Variants in SLC35F3 observed in about 807,000 individuals in gnomAD.
The protein encoded by SLC35F3 is solute carrier family 35 member F3.
SLC35F3 carries 25 observed loss-of-function variants against 49.9 expected under a neutral mutation model. The observed-to-expected ratio is 0.50, with a 90% CI of 0.37 to 0.70. The LOEUF (loss-of-function observed/expected upper bound fraction) is 0.70. SLC35F3 is among the 30% of genes least tolerant of loss of function. The probability of loss-of-function intolerance (pLI) is 0.00; values close to 1 mark genes in which losing one functional copy is unlikely to be tolerated. For synonymous variants in SLC35F3, 275 were observed against 265.4 expected, an observed-to-expected ratio of 1.04 and a Z score of -0.35; for missense variants, 525 against 639.8, an observed-to-expected ratio of 0.82 and a Z score of 1.94.
chr1:234,216,449 A>T (rs1435115749), intron 2 of SLC35F3, among the ~76,000 whole-genome samples: 1 of 152,212 alleles, frequency 6.6e-6, no homozygotes, highest in Non-Finnish European at 1.5e-5. Flanking sequence ...AGGCACAGGT[A>T]CTTCCCTATG....
At chr1:234,030,711 A>G (rs1664049891) in intron 2 of SLC35F3, among the ~76,000 whole-genome samples, 1 of 152,218 alleles carries the variant, frequency 6.6e-6, no homozygotes, top group Non-Finnish European at 1.5e-5. Context: ...GTGTTTTTGT[A>G]TATCATCTAA....
At chr1:234,148,104 A>G (rs1026814016) in intron 2 of SLC35F3, among the ~76,000 whole-genome samples, 1 of 152,206 alleles carries the variant, frequency 6.6e-6, no homozygotes, top group African/African-American at 2.4e-5. Flanking sequence ...CACCCCGGCA[A>G]GGTTTGGCAC....
At chr1:234,079,784 A>G (rs553990495) in intron 2 of SLC35F3, among the ~76,000 whole-genome samples, 1 of 152,364 alleles carries the variant, frequency 6.6e-6, no homozygotes, top group South Asian at 2.1e-4. Flanking sequence ...GAGGATATAG[A>G]GAAATCGGAA....
At position 234,231,765 on chromosome 1, in the gene SLC35F3, G is replaced by A. The variant is rs1667381439; in HGVS notation, c.608+24G>A. On this transcript the variant is annotated intron_variant, in intron 3 of 7. Coordinates refer to ENST00000366618, the MANE Select transcript of SLC35F3 (RefSeq NM_173508.4). This position sits in a 1 kb window ranked among gnomAD's most constrained non-coding sequence, Gnocchi z 5.4. ...AGGTAGGCGCGTCCTGCATGAGGAG[G>A]CCTCCTGACCCCGGGCTGCTCCATC... is the stretch of plus-strand genomic sequence containing the variant. 7 of 1,573,892 alleles carry A rather than the reference G, an allele frequency of 4.4e-6. No individual in the cohort carries two copies. Among genetic ancestry groups the A allele is most frequent in the African/African-American group, 2.7e-5 (2 of 74,350 alleles).
At chr1:233,948,868 A>G (rs1662559903) in intron 2 of SLC35F3, among the ~76,000 whole-genome samples, 1 of 152,046 alleles carries the variant, frequency 6.6e-6, no homozygotes, top group Non-Finnish European at 1.5e-5. Context: ...TCTATGATAG[A>G]CTTGCTTGCA....
At position 234,095,216 on chromosome 1, in the gene SLC35F3, C is replaced by T. The variant is rs899756994; in HGVS notation, c.284-136201C>T. ...ACTATCTAGTGAGATTGCTGAAGAG[C>T]ACCAGGGGCCTCCATGAAGTTCATG... On this transcript the variant is annotated intron_variant, in intron 2 of 7. Coordinates refer to ENST00000366618, the MANE Select transcript of SLC35F3 (RefSeq NM_173508.4). Among the ~76,000 whole-genome samples, 2 of 152,144 alleles carry T rather than the reference C, an allele frequency of 1.3e-5. 1 individual carries two copies. The highest frequency in any genetic ancestry group is 2.9e-5 in the Non-Finnish European group (2 of 68,040).
At chr1:233,985,555 T>A (rs780399913) in intron 2 of SLC35F3, among the ~76,000 whole-genome samples, 8 of 152,150 alleles carry the variant, frequency 5.3e-5, no homozygotes, top group Non-Finnish European at 8.8e-5. Context: ...TCCACTTTGA[T>A]TCTTGGAGCC....
At chr1:233,938,476 A>C (rs1394855251) in intron 2 of SLC35F3, among the ~76,000 whole-genome samples, 1 of 152,192 alleles carries the variant, frequency 6.6e-6, no homozygotes, top group African/African-American at 2.4e-5. Flanking sequence ...ACACAGTGGA[A>C]ATTTCCCTTC....
At chr1:234,095,811 GTC>G (rs1405500292) in intron 2 of SLC35F3, among the ~76,000 whole-genome samples, 1 of 152,184 alleles carries the variant, frequency 6.6e-6, no homozygotes, top group Non-Finnish European at 1.5e-5. Context: ...GGGAATAATA[GTC>G]TCTGTCATAG....
intron 2 of SLC35F3, among the ~76,000 whole-genome samples, chr1:233,980,177 G>C (rs1251041080): frequency 6.6e-6 from 1 of 152,178 alleles, no homozygotes; most frequent in Non-Finnish European, 1.5e-5. Flanking sequence ...GGAGGACTTT[G>C]GTGTTGGGAA....
intron 2 of SLC35F3, among the ~76,000 whole-genome samples, chr1:234,138,927 C>T (rs560262630): frequency 2.6e-5 from 4 of 152,278 alleles, no homozygotes; most frequent in South Asian, 4.2e-4. Context: ...TACTCTTCTC[C>T]GTCTTCATCT....
rs183539312 is a variant in SLC35F3 at position 234,173,907 on chromosome 1, C to T, written c.284-57510C>T. Among the ~76,000 whole-genome samples the T allele has an allele frequency of 1.3e-3, 193 of 152,306 alleles. 2 individuals are homozygous for T. The highest frequency in any genetic ancestry group is 2.1e-4 in the Non-Finnish European group (14 of 68,026). ...TCAGGTCTGAAAGTGAGAAGGTGGG[C>T]TTGGGAGCGATTTTCTCCTCTGGAG... On this transcript the variant is annotated intron_variant, in intron 2 of 7. Transcript: ENST00000366618.
intron 2 of SLC35F3, among the ~76,000 whole-genome samples, chr1:234,179,446 G>C (rs975902497): frequency 6.6e-6 from 1 of 152,074 alleles, no homozygotes; most frequent in Non-Finnish European, 1.5e-5. Flanking sequence ...GTATGTATTC[G>C]TGATGTACAA....
chr1:234,267,512 C>G (rs1377577548), intron 3 of SLC35F3, among the ~76,000 whole-genome samples: 1 of 142,504 alleles, frequency 7.0e-6, no homozygotes, highest in East Asian at 2.1e-4. Context: ...GGGGGGCTGA[C>G]CCCCCCACCT....
At chr1:234,054,581 C>T (rs556864089) in intron 2 of SLC35F3, among the ~76,000 whole-genome samples, 12 of 152,204 alleles carry the variant, frequency 7.9e-5, no homozygotes, top group African/African-American at 2.6e-4. Context: ...GTGATGGGTT[C>T]GAACATTCTC....
At chr1:234,258,079 A>T (rs1667848850) in intron 3 of SLC35F3, among the ~76,000 whole-genome samples, 1 of 152,176 alleles carries the variant, frequency 6.6e-6, no homozygotes, top group Non-Finnish European at 1.5e-5. Flanking sequence ...TTTAATAATC[A>T]TATGGTTCAC....
intron 2 of SLC35F3, among the ~76,000 whole-genome samples, chr1:233,927,331 A>T (rs1329622192): frequency 1.3e-5 from 2 of 152,140 alleles, no homozygotes; most frequent in Non-Finnish European, 2.9e-5. Context: ...AATGAGCTTA[A>T]CTCATTGAAT....
rs547917939 is a variant in SLC35F3, at chr1:234,205,520, TC to T, written c.284-25894del. On this transcript the variant is annotated intron_variant, in intron 2 of 7. Coordinates refer to ENST00000366618, the MANE Select transcript of SLC35F3 (RefSeq NM_173508.4). ...AGGAATGCTGGAGTTGTACTTGAAC[TC>T]CCTCCCACTTGGAGAATCTAGGCTT... Among the ~76,000 whole-genome samples, 4 of 152,242 alleles carry T rather than the reference TC, an allele frequency of 2.6e-5. No homozygotes were observed. The East Asian group carries it at 7.7e-4, about 29-fold the overall frequency.
chr1:233,941,577 T>C (rs1298346220), intron 2 of SLC35F3, among the ~76,000 whole-genome samples: 1 of 152,178 alleles, frequency 6.6e-6, no homozygotes, highest in African/African-American at 2.4e-5. Flanking sequence ...ATTAACCAGT[T>C]AATTAAAGTT....
Sources: allele counts gnomAD v4.1 joint callset (sites outside exome capture counted in the v4.1 genomes callset), GRCh38; gene constraint gnomAD v4.1.1; non-coding constraint Gnocchi (gnomAD v3.1); transcripts MANE v1.5; gene names NCBI Gene and HGNC (gene_info 2026-07-23, HGNC 2026-07-21).